The following ASH1L variants were observed in gnomAD, a reference collection of about 807,000 sequenced individuals.
ASH1L encodes histone-lysine N-methyltransferase ASH1L.
Under a neutral mutation model 269.0 loss-of-function variants are expected in ASH1L, and 23 were observed. That is an observed-to-expected ratio of 0.09 (90% CI 0.06 to 0.12). The LOEUF (loss-of-function observed/expected upper bound fraction) is 0.12, where lower values mean the gene tolerates loss of function less well. Ranked by LOEUF, ASH1L falls within the 10% of genes least tolerant of loss-of-function variation. The probability of loss-of-function intolerance (pLI) is 1.00; values close to 1 mark genes in which losing one functional copy is unlikely to be tolerated. For synonymous variants in ASH1L, 1,187 were observed against 1,253.5 expected, an observed-to-expected ratio of 0.95 and a Z score of 1.12; for missense variants, 2,912 against 3,567.8, an observed-to-expected ratio of 0.82 and a Z score of 4.68.
chr1:155,346,072 A>T lies in ASH1L; in HGVS notation c.7890+311T>A, dbSNP rs1340562361. The T allele has an allele frequency of 2.4e-5, 23 of 946,528 alleles. No individual in the cohort carries two copies. In the Admixed American group the frequency reaches 5.0e-4, roughly 20 times the overall value. 58.6% of individuals were successfully genotyped at this position (946,528 alleles called of 1,614,324 possible). A position where few individuals can be genotyped will look rare whatever the true frequency, so the allele number is the denominator to read the frequency against. On this transcript the variant is annotated intron_variant, in intron 21 of 27. Coordinates refer to ENST00000392403, the MANE Select transcript of ASH1L (RefSeq NM_018489.3). ...TGGTCTCGAACTCCTGAGCTCAGGC[A>T]ATCCATCCGCCTTAGCCTCCCAGTG...
chr1:155,378,199 C>CAA, intron 10 of ASH1L, 82 bp downstream of exon 10: 1 of 1,027,888 alleles, frequency 9.7e-7, no homozygotes, highest in Non-Finnish European at 1.5e-6. Context: ...ATCAAAGAGC[C>CAA]TATTTAACTG....
At chr1:155,487,473 T>TC (rs1279234120) in intron 2 of ASH1L, among the ~76,000 whole-genome samples, 2 of 152,026 alleles carry the variant, frequency 1.3e-5, no homozygotes, top group Non-Finnish European at 2.9e-5. Context: ...GCTTAAGTGA[T>TC]CCTCCCACCT....
At chr1:155,393,229 T>C (rs1046240651) in intron 7 of ASH1L, among the ~76,000 whole-genome samples, 1 of 152,172 alleles carries the variant, frequency 6.6e-6, no homozygotes, top group Admixed American at 6.6e-5. Flanking sequence ...AGCCACCCAA[T>C]ACAGAATAAT....
rs371829476 is a variant in ASH1L at position 155,488,668 on chromosome 1, C to CAAAAAA, written c.421-6225_421-6220dup. 9.6e-4 allele frequency among the ~76,000 whole-genome samples: 28 copies of CAAAAAA among 29,196 alleles called. 1 individual carries two copies. The highest frequency in any genetic ancestry group is 1.4e-3 in the African/African-American group (12 of 8,614). 19.2% of individuals were successfully genotyped at this position (29,196 alleles called of 152,430 possible). On this transcript the variant is annotated intron_variant, in intron 2 of 27. Transcript: ENST00000392403. ...TGGGCAACAGAGCAAGACTCTGTCA[C>CAAAAAA]AAAAAAAAAAAAAAAAAAAAAAAAA...
chr1:155,339,484 T>C (rs1652589256), intron 25 of ASH1L, 116 bp from the exon 26 acceptor site: 5 of 780,286 alleles, frequency 6.4e-6, no homozygotes, highest in South Asian at 3.5e-5. Flanking sequence ...TGGGTGACTT[T>C]GTTTTAAGAT....
At chr1:155,388,715 CTTTTTTTT>C (rs142537672) in intron 7 of ASH1L, among the ~76,000 whole-genome samples, 1 of 131,694 alleles carries the variant, frequency 7.6e-6, no homozygotes, top group Admixed American at 7.9e-5. Flanking sequence ...AATTGCGATT[CTTTTTTTT>C]TTTTTTTTTC....
intron 1 of ASH1L, among the ~76,000 whole-genome samples, chr1:155,548,610 T>A (rs1284533143): frequency 1.3e-5 from 2 of 152,194 alleles, no homozygotes; most frequent in Admixed American, 6.6e-5. Flanking sequence ...CTTGTTAGAG[T>A]TTCTTAGCCA....
chr1:155,478,817 C>A lies in ASH1L; in HGVS notation c.4053G>T (p.Gly1351=), dbSNP rs1156958816. Residue 1351 remains glycine, a synonymous_variant, in exon 3 of 28, where the codon GGG becomes GGT. Transcript: ENST00000392403. This position sits in a 1 kb window ranked among gnomAD's most constrained non-coding sequence, Gnocchi z 4.6. ...IRKPDLKKKR[G]RPPKMREAMA... is the part of the protein sequence containing the mutation. Reference sequence around the variant, plus strand: ...TTGCCTCCCTCATCTTAGGGGGTCTCCCTCTTTTCTTTTTTAAGTCAGGTT... The same window carrying A: ...TTGCCTCCCTCATCTTAGGGGGTCTACCTCTTTTCTTTTTTAAGTCAGGTT... 5 of 1,613,858 alleles carry A rather than the reference C, an allele frequency of 3.1e-6. No homozygotes were observed. The African/African-American group carries it at 6.7e-5, about 22-fold the overall frequency.
Position 155,357,719 on chromosome 1 carries a change from G to T in ASH1L, c.6826C>A (p.Arg2276=). The change falls in exon 14 of 28, where the codon CGA becomes AGA. Residue 2276 remains arginine (R), a synonymous_variant. Transcript: ENST00000392403. ...TGACTCTTGCCTCCGATGATTCCTC[G>T]ACATTTCTCAAAGCCACACTTACAA... is the stretch of plus-strand genomic sequence containing the variant. The part of the protein sequence containing the change: ...QLCKCGFEKC[R]GIIGGKSQRV... The T allele has an allele frequency of 6.2e-7, 1 of 1,613,772 alleles. No homozygotes were observed. Among genetic ancestry groups the T allele is most frequent in the Non-Finnish European group, 8.5e-7 (1 of 1,179,940 alleles).
intron 4 of ASH1L, among the ~76,000 whole-genome samples, chr1:155,448,948 T>C (rs1663245695): frequency 6.6e-6 from 1 of 152,112 alleles, no homozygotes; most frequent in Non-Finnish European, 1.5e-5. Flanking sequence ...GTGTGTTTTT[T>C]TTTTTAAACG....
Position 155,479,939 on chromosome 1 carries a change from T to C in ASH1L, c.2931A>G (p.Gln977=), listed in dbSNP as rs375341246. ...DKKITKRNNG[Q]LMKTIIRKIN... is the part of the protein sequence containing the mutation. ...TTTTGCGGATAATTGTTTTCATTAA[T>C]TGTCCATTGTTTCTCTTGGTAATTT... Residue 977 remains glutamine (Q), a synonymous_variant, in exon 3 of 28, where the codon CAA becomes CAG. Transcript: ENST00000392403. 14 of 1,613,592 alleles carry C rather than the reference T, an allele frequency of 8.7e-6. No individual in the cohort carries two copies. The African/African-American group carries it at 1.3e-4, about 15-fold the overall frequency.
chr1:155,521,632 C>T lies in ASH1L; in HGVS notation c.-99-14G>A. 1 of 1,016,084 alleles carries T rather than the reference C, an allele frequency of 9.8e-7. No individual in the cohort carries two copies. The highest frequency in any genetic ancestry group is 1.4e-6 in the Non-Finnish European group (1 of 701,500). The allele number at this position is 1,016,084 out of a possible 1,614,324, so 62.9% of individuals were successfully genotyped here. On this transcript the variant is annotated splice_polypyrimidine_tract_variant and intron_variant, in intron 1 of 27. Coordinates refer to ENST00000392403, the MANE Select transcript of ASH1L (RefSeq NM_018489.3). ...CAGCATCTTTCTCTGCAGAACAGAT[C>T]ATAACAAAAATTTATCAGAAAAGAG...
chr1:155,377,730 T>C (rs1226656546), intron 10 of ASH1L, among the ~76,000 whole-genome samples: 4 of 152,118 alleles, frequency 2.6e-5, no homozygotes, highest in African/African-American at 9.7e-5. Flanking sequence ...GTCTCATAAA[T>C]AGTAAAAGGA....
chr1:155,357,078 TACACACACAC>T (rs61213200), intron 15 of ASH1L, among the ~76,000 whole-genome samples: 1,735 of 53,068 alleles, frequency 0.033, 57 homozygotes, highest in South Asian at 0.072. Context: ...ATCCCAGCTC[TACACACACAC>T]ACACACACAC....
At chr1:155,347,495 A>C (rs1235026255) in intron 20 of ASH1L, among the ~76,000 whole-genome samples, 161 bp downstream of exon 20, 1 of 152,158 alleles carries the variant, frequency 6.6e-6, no homozygotes, top group Non-Finnish European at 1.5e-5. Context: ...ATAAAAGGAG[A>C]AAGGCAATAT....
At chr1:155,344,385 C>A in intron 21 of ASH1L, 112 bp from the exon 22 acceptor site, 1 of 756,050 alleles carries the variant, frequency 1.3e-6, no homozygotes, top group Non-Finnish European at 2.2e-6. Context: ...TTTCAATATA[C>A]CACAGATATA....
intron 3 of ASH1L, among the ~76,000 whole-genome samples, chr1:155,474,566 TGG>T (rs1185847405): frequency 3.9e-5 from 6 of 152,162 alleles, no homozygotes; most frequent in Admixed American, 6.5e-5. Flanking sequence ...CTGGCATTGG[TGG>T]CTTGCACCTG....
chr1:155,467,940 C>T (rs1384420957), intron 3 of ASH1L, among the ~76,000 whole-genome samples: 2 of 152,230 alleles, frequency 1.3e-5, no homozygotes, highest in South Asian at 4.1e-4. Context: ...TACCCAACAT[C>T]CCCCAATGTT....
In ASH1L at chr1:155,370,704, T is replaced by G. The variant is rs73008947; in HGVS notation, c.6540-54A>C. ...AATTAAAGAGTAGCTGAAAGTAAAT[T>G]TCACATCTTCCATTCTCCATTCTAA... On this transcript the variant is annotated intron_variant, in intron 11 of 27. Coordinates refer to ENST00000392403, the MANE Select transcript of ASH1L (RefSeq NM_018489.3). 3.4e-4 allele frequency: 555 copies of G among 1,611,932 alleles called. 1 individual carries two copies. In the African/African-American group the frequency reaches 6.9e-3, roughly 20 times the overall value.
Sources: allele counts gnomAD v4.1 joint callset (sites outside exome capture counted in the v4.1 genomes callset), GRCh38; gene constraint gnomAD v4.1.1; non-coding constraint Gnocchi (gnomAD v3.1); transcripts MANE v1.5; gene names NCBI Gene and HGNC (gene_info 2026-07-23, HGNC 2026-07-21).